Variants in PARN observed in about 807,000 individuals in gnomAD.
PARN encodes poly(A)-specific ribonuclease, also known as poly(A)-specific ribonuclease PARN.
In PARN, 71 loss-of-function variants were observed where a neutral mutation model predicts 102.8. The ratio of observed to expected loss-of-function variants is 0.69; its 90% CI spans 0.57 to 0.84. The LOEUF is 0.84. PARN is among the 40% of genes least tolerant of loss of function. The probability of loss-of-function intolerance (pLI) is 0.00; values close to 1 mark genes in which losing one functional copy is unlikely to be tolerated. For missense variants in PARN, 782 were observed against 760.9 expected (o/e 1.03, Z -0.33); for synonymous variants, 261 against 252.9 (o/e 1.03, Z -0.30).
At chr16:14,521,726 C>T (rs1358175845) in intron 21 of PARN, among the ~76,000 whole-genome samples, 3 of 151,580 alleles carry the variant, frequency 2.0e-5, no homozygotes, top group Admixed American at 6.6e-5. Context: ...TGCTTGAACC[C>T]GAGAAGTGGT....
At chr16:14,541,737 A>C (rs1245355811) in intron 21 of PARN, among the ~76,000 whole-genome samples, 1 of 151,836 alleles carries the variant, frequency 6.6e-6, no homozygotes, top group Admixed American at 6.6e-5. Flanking sequence ...TCAGCCTCCC[A>C]AAGTGCTGGA....
At chr16:14,590,361 G>A (rs746688801) in intron 13 of PARN, among the ~76,000 whole-genome samples, 6 of 150,540 alleles carry the variant, frequency 4.0e-5, no homozygotes, top group Non-Finnish European at 7.4e-5. Context: ...CAGGCCAGAC[G>A]TGGTGGCTCA....
At chr16:14,594,013 A>T (rs999032807) in intron 12 of PARN, among the ~76,000 whole-genome samples, 9 of 152,080 alleles carry the variant, frequency 5.9e-5, no homozygotes, top group African/African-American at 2.2e-4. Flanking sequence ...AAAAAAGTAA[A>T]ATCTGAAAGC....
intron 12 of PARN, among the ~76,000 whole-genome samples, chr16:14,596,933 T>A (rs1189483060): frequency 2.0e-5 from 3 of 151,950 alleles, no homozygotes; most frequent in African/African-American, 7.3e-5. Context: ...ATTACAGGTG[T>A]GTGCCACCAC....
intron 21 of PARN, among the ~76,000 whole-genome samples, chr16:14,517,370 C>G (rs1456651095): frequency 6.6e-6 from 1 of 152,166 alleles, no homozygotes; most frequent in South Asian, 2.1e-4. Context: ...GGATGAGGGG[C>G]CACATGGGGA....
chr16:14,455,449 T>C (rs985888762), intron 22 of PARN, among the ~76,000 whole-genome samples: 1 of 152,212 alleles, frequency 6.6e-6, no homozygotes, highest in African/African-American at 2.4e-5. Flanking sequence ...CCTGTAAAAG[T>C]ATTTACAAAG....
rs985925139 is a variant in PARN at position 14,578,374 on chromosome 16, G to C, written c.1262+2500C>G. 2.4e-4 allele frequency among the ~76,000 whole-genome samples: 35 copies of C among 148,462 alleles called. No individual in the cohort carries two copies. In the Admixed American group the frequency reaches 2.4e-3, roughly 10 times the overall value. On this transcript the variant is annotated intron_variant, in intron 18 of 23. Transcript: ENST00000437198. ...AAAAGAGGAATAAAAACAGTTCTTG[G>C]CTAGGCGCGGTGACTAACGTCTGTA...
At chr16:14,547,862 A>G (rs1967053653) in intron 21 of PARN, among the ~76,000 whole-genome samples, 1 of 152,202 alleles carries the variant, frequency 6.6e-6, no homozygotes, top group Admixed American at 6.5e-5. Context: ...TGCTATATAA[A>G]TAGGCATTTA....
chr16:14,497,288 A>G (rs752975054), intron 21 of PARN, among the ~76,000 whole-genome samples: 1 of 152,064 alleles, frequency 6.6e-6, no homozygotes, highest in Non-Finnish European at 1.5e-5. Context: ...CAGCATTTCT[A>G]TGTGACAATG....
intron 12 of PARN, among the ~76,000 whole-genome samples, chr16:14,597,971 C>G (rs1420460486): frequency 1.3e-5 from 2 of 151,886 alleles, no homozygotes; most frequent in Non-Finnish European, 2.9e-5. Flanking sequence ...TGGTGAAAGC[C>G]CGTCTCAACT....
At chr16:14,481,508 A>G (rs1283198428) in intron 22 of PARN, among the ~76,000 whole-genome samples, 2 of 152,224 alleles carry the variant, frequency 1.3e-5, no homozygotes, top group Non-Finnish European at 2.9e-5. Flanking sequence ...ACACAAGGAA[A>G]TTCAAGGGAA....
intron 22 of PARN, among the ~76,000 whole-genome samples, chr16:14,455,571 C>T (rs1961641829): frequency 6.6e-6 from 1 of 152,200 alleles, no homozygotes; most frequent in Admixed American, 6.5e-5. Context: ...CAGCACTACA[C>T]AGGAATCACG....
rs149802170 is a variant in PARN, at chr16:14,614,434, G to A, written c.388+3156C>T. ...AGGATACTAAAGTCACCCAGAGAGGGGCAGGAGTGGAGAGAATTATAACAC... is the reference window on the plus strand; with the variant it reads ...AGGATACTAAAGTCACCCAGAGAGGAGCAGGAGTGGAGAGAATTATAACAC... On this transcript the variant is annotated intron_variant, in intron 6 of 23. Coordinates refer to ENST00000437198, the MANE Select transcript of PARN (RefSeq NM_002582.4). 1.7e-3 allele frequency among the ~76,000 whole-genome samples: 253 copies of A among 152,288 alleles called. 2 individuals carry two copies. Among genetic ancestry groups the A allele is most frequent in the African/African-American group, 5.9e-3 (244 of 41,568 alleles).
At chr16:14,451,769 G>A (rs1961455715) in intron 22 of PARN, among the ~76,000 whole-genome samples, 1 of 145,266 alleles carries the variant, frequency 6.9e-6, no homozygotes. Flanking sequence ...AACACTTAGG[G>A]AGGCCAAGGC....
intron 22 of PARN, among the ~76,000 whole-genome samples, chr16:14,470,266 A>C (rs1380210471): frequency 6.6e-6 from 1 of 152,042 alleles, no homozygotes; most frequent in Non-Finnish European, 1.5e-5. Flanking sequence ...CTGAGTTCCA[A>C]ATTTCTGCAT....
chr16:14,515,274 C>T (rs1483309594), intron 21 of PARN, among the ~76,000 whole-genome samples: 1 of 139,640 alleles, frequency 7.2e-6, no homozygotes, highest in Non-Finnish European at 1.6e-5. Flanking sequence ...CCACTCCTGG[C>T]TGCTAACTTT....
At chr16:14,568,243 C>T (rs1347736365) in intron 18 of PARN, among the ~76,000 whole-genome samples, 7 of 145,842 alleles carry the variant, frequency 4.8e-5, no homozygotes, top group Non-Finnish European at 7.5e-5. Flanking sequence ...GACGGAGTCT[C>T]GCCCTGTTGC....
At chr16:14,617,382 CAAAAAAAAAAA>C (rs66483121) in intron 6 of PARN, among the ~76,000 whole-genome samples, 197 bp downstream of exon 6, 1 of 91,886 alleles carries the variant, frequency 1.1e-5, no homozygotes, top group Non-Finnish European at 2.1e-5. Context: ...AGACTCTTCT[CAAAAAAAAAAA>C]AAAAAAAAAA....
intron 18 of PARN, among the ~76,000 whole-genome samples, chr16:14,579,527 G>T (rs1969373895): frequency 6.6e-6 from 1 of 151,936 alleles, no homozygotes; most frequent in Non-Finnish European, 1.5e-5. Context: ...CCAAGATCAT[G>T]CCACTGCACT....
Sources: gnomAD v4.1 joint callset for allele counts (sites outside exome capture counted in the v4.1 genomes callset) on GRCh38, gnomAD v4.1.1 for gene constraint, MANE v1.5 for transcripts, NCBI Gene and HGNC (gene_info 2026-07-23, HGNC 2026-07-21) for gene names.